TRHDE: variants seen among roughly 807,000 people sequenced by gnomAD.
TRHDE encodes thyrotropin releasing hormone degrading enzyme.
Under a neutral mutation model 125.7 loss-of-function variants are expected in TRHDE, and 72 were observed. That is an observed-to-expected ratio of 0.57 (90% CI 0.47 to 0.70). TRHDE has a LOEUF of 0.70. TRHDE is among the 30% of genes least tolerant of loss of function. The pLI is 0.00. For synonymous variants in TRHDE, 509 were observed against 509.1 expected (o/e 1.00, Z 0.00); for missense variants, 1,110 against 1,327.1 (o/e 0.84, Z 2.54).
At chr12:72,606,605 C>G (rs527336958) in intron 12 of TRHDE, among the ~76,000 whole-genome samples, 13 of 152,240 alleles carry the variant, frequency 8.5e-5, no homozygotes, top group African/African-American at 2.6e-4. Flanking sequence ...TGTTATTCAG[C>G]AAATATTCTT....
intron 5 of TRHDE, among the ~76,000 whole-genome samples, chr12:72,484,724 T>C (rs1009795605): frequency 1.3e-5 from 2 of 152,176 alleles, no homozygotes; most frequent in Middle Eastern, 3.2e-3. Context: ...TGAAACTATG[T>C]TGGATAAATG....
intron 13 of TRHDE, among the ~76,000 whole-genome samples, chr12:72,619,991 G>A (rs1329523871): frequency 6.6e-6 from 1 of 151,622 alleles, no homozygotes; most frequent in Non-Finnish European, 1.5e-5. Flanking sequence ...TTTAAAAAAT[G>A]GGAATAATTA....
intron 3 of TRHDE, among the ~76,000 whole-genome samples, chr12:72,380,133 T>A (rs995092610): frequency 1.3e-5 from 2 of 152,194 alleles, no homozygotes; most frequent in African/African-American, 4.8e-5. Context: ...CCTTGACCCT[T>A]CATATCTAAG....
chr12:72,516,754 C>G (rs1878883332), intron 6 of TRHDE, among the ~76,000 whole-genome samples: 1 of 151,728 alleles, frequency 6.6e-6, no homozygotes, highest in South Asian at 2.1e-4. Flanking sequence ...CAGTTTTTGC[C>G]CATTCAGTAT....
rs1875223849 is a variant in TRHDE, at chr12:72,670,615, A to G, written c.*7420A>G. ...AGGTCCATGCAAATGGAAAAAAATT[A>G]TTCTCTTCTGACATGGACTTTTTCA... On this transcript the variant is annotated 3_prime_UTR_variant, in exon 19 of 19. Coordinates refer to ENST00000261180, the MANE Select transcript of TRHDE (RefSeq NM_013381.3). The G allele has an allele frequency of 1.3e-5, 2 of 151,808 alleles. No homozygotes were observed. The highest frequency in any genetic ancestry group is 2.9e-5 in the Non-Finnish European group (2 of 67,840). The allele number at this position is 151,808 out of a possible 1,614,324, so 9.4% of individuals were successfully genotyped here.
At chr12:72,403,885 G>C (rs1255296766) in intron 3 of TRHDE, among the ~76,000 whole-genome samples, 1 of 152,174 alleles carries the variant, frequency 6.6e-6, no homozygotes, top group East Asian at 1.9e-4. Flanking sequence ...GTAGGTCATA[G>C]TTGAAGATGG....
chr12:72,535,009 C>CT (rs763593954), intron 6 of TRHDE, among the ~76,000 whole-genome samples: 3 of 150,912 alleles, frequency 2.0e-5, no homozygotes, highest in African/African-American at 7.3e-5. Flanking sequence ...TACCACAGGA[C>CT]TTTTTTTTAA....
intron 2 of TRHDE, among the ~76,000 whole-genome samples, chr12:72,210,152 T>G (rs1171391282): frequency 6.8e-6 from 1 of 147,606 alleles, no homozygotes; most frequent in Non-Finnish European, 1.5e-5. Flanking sequence ...ACCACAATGA[T>G]TTTAAGTTCT....
At chr12:72,165,606 G>A (rs1266315952) in intron 2 of TRHDE, among the ~76,000 whole-genome samples, 1 of 151,658 alleles carries the variant, frequency 6.6e-6, no homozygotes, top group African/African-American at 2.4e-5. Context: ...ATACATGTAT[G>A]TATATATAAA....
intron 3 of TRHDE, among the ~76,000 whole-genome samples, chr12:72,389,467 T>C (rs1474518924): frequency 2.0e-5 from 3 of 152,228 alleles, no homozygotes; most frequent in African/African-American, 4.8e-5. Flanking sequence ...CAAAATACCA[T>C]AGACCGGGTG....
intron 2 of TRHDE, among the ~76,000 whole-genome samples, chr12:72,240,507 T>C (rs960304552): frequency 6.6e-6 from 1 of 152,036 alleles, no homozygotes; most frequent in Admixed American, 6.6e-5. Flanking sequence ...CTTTGTCATC[T>C]GTTAACCTTA....
At chr12:72,499,450 G>A (rs767666527) in intron 5 of TRHDE, 48 bp from the exon 6 acceptor site, 5 of 1,597,538 alleles carry the variant, frequency 3.1e-6, no homozygotes, top group African/African-American at 1.3e-5. Context: ...ATATACATAT[G>A]TCTAACTATG....
chr12:72,305,289 T>C (rs981447989), intron 2 of TRHDE, among the ~76,000 whole-genome samples: 1 of 152,144 alleles, frequency 6.6e-6, no homozygotes, highest in African/African-American at 2.4e-5. Flanking sequence ...ATAAATTAGG[T>C]TAAATCATTT....
At chr12:72,284,605 C>A (rs1879812517) in intron 1 of TRHDE, among the ~76,000 whole-genome samples, 1 of 152,146 alleles carries the variant, frequency 6.6e-6, no homozygotes, top group African/African-American at 2.4e-5. Flanking sequence ...ATCTTTGTTA[C>A]TTACAGCTGA....
At chr12:72,635,322 G>A (rs1261032515) in intron 15 of TRHDE, among the ~76,000 whole-genome samples, 1 of 152,122 alleles carries the variant, frequency 6.6e-6, no homozygotes, top group African/African-American at 2.4e-5. Context: ...GTCTGTTCAT[G>A]TCCTTTGCCT....
At chr12:72,546,851 A>G (rs1869443368) in intron 7 of TRHDE, among the ~76,000 whole-genome samples, 1 of 151,644 alleles carries the variant, frequency 6.6e-6, no homozygotes. Context: ...CACTGGTAAT[A>G]CTTTACCCCT....
chr12:72,597,742 T>C (rs1399742172), intron 12 of TRHDE, among the ~76,000 whole-genome samples: 661 of 9,676 alleles, frequency 0.068, 73 homozygotes, highest in Admixed American at 0.39. Flanking sequence ...TATATATATA[T>C]ATATATATAT....
chr12:72,116,451 G>A (rs1482627686), intron 2 of TRHDE, among the ~76,000 whole-genome samples: 1 of 152,122 alleles, frequency 6.6e-6, no homozygotes, highest in Non-Finnish European at 1.5e-5. Flanking sequence ...CTTTCACAAT[G>A]GTTGAACTAA....
intron 2 of TRHDE, among the ~76,000 whole-genome samples, chr12:72,241,020 T>C (rs2139381002): frequency 6.7e-6 from 1 of 148,788 alleles, no homozygotes; most frequent in African/African-American, 2.4e-5. Context: ...TGTGTGCCTA[T>C]AGTGATCACT....
Sources: allele counts gnomAD v4.1 joint callset (sites outside exome capture counted in the v4.1 genomes callset), GRCh38; gene constraint gnomAD v4.1.1; transcripts MANE v1.5; gene names NCBI Gene and HGNC (gene_info 2026-07-23, HGNC 2026-07-21).